Variants in RAB11FIP1 observed in about 807,000 individuals in gnomAD.
RAB11FIP1 encodes RAB11 family interacting protein 1, also known as rab11 family-interacting protein 1.
A neutral mutation model predicts 83.1 loss-of-function variants in RAB11FIP1; 49 were observed. The observed-to-expected ratio is 0.59, with a 90% CI of 0.47 to 0.75. RAB11FIP1 has a LOEUF of 0.75. Among genes scored for constraint, RAB11FIP1 ranks in the 30% least tolerant of loss-of-function variants. The pLI is 0.00. For synonymous variants in RAB11FIP1, 670 were observed against 656.0 expected, an observed-to-expected ratio of 1.02 and a Z score of -0.33; for missense variants, 1,536 against 1,598.7, an observed-to-expected ratio of 0.96 and a Z score of 0.67.
rs374030662 is a variant in RAB11FIP1, at chr8:37,870,544, A to C, written c.3525-16T>G. 2 of 1,410,688 alleles carry C rather than the reference A, an allele frequency of 1.4e-6. No individual in the cohort carries two copies. The highest frequency in any genetic ancestry group is 2.0e-6 in the Non-Finnish European group (2 of 998,296). 87.4% of individuals were successfully genotyped at this position (1,410,688 alleles called of 1,614,324 possible). A position where few individuals can be genotyped will look rare whatever the true frequency, so the allele number is the denominator to read the frequency against. ...AGGATGAAGTCTAAAGAGAAGGGGA[A>C]AAGGATCTTTAGACCCTCCGGTCAT... On this transcript the variant is annotated splice_polypyrimidine_tract_variant and intron_variant, in intron 4 of 5. Coordinates refer to ENST00000330843, the MANE Select transcript of RAB11FIP1 (RefSeq NM_001002814.3).
intron 1 of RAB11FIP1, among the ~76,000 whole-genome samples, chr8:37,881,608 T>G (rs1019516663): frequency 3.9e-5 from 6 of 152,248 alleles, no homozygotes; most frequent in African/African-American, 1.4e-4. Context: ...TTTTGGACCC[T>G]TAGGAGACAA....
chr8:37,872,776 G>T lies in RAB11FIP1; in HGVS notation c.2026C>A (p.Arg676Ser), dbSNP rs373214603. The T allele has an allele frequency of 6.2e-7, 1 of 1,614,212 alleles. No individual in the cohort carries two copies. The highest frequency in any genetic ancestry group is 8.5e-7 in the Non-Finnish European group (1 of 1,180,048). Residue 676 changes from arginine to serine, a missense_variant, in exon 4 of 6, where the codon CGT becomes AGT. Coordinates refer to ENST00000330843, the MANE Select transcript of RAB11FIP1 (RefSeq NM_001002814.3). Reference sequence around the variant, plus strand: ...GTGTTCTTCTCTGTGCCTGTCTCACGGGTCCTGCCCATCAGAGAATCTTCT... The same window carrying T: ...GTGTTCTTCTCTGTGCCTGTCTCACTGGTCCTGCCCATCAGAGAATCTTCT... ...GTEDSLMGRT[R>S]ETGTEKNTSS...
At chr8:37,881,286 C>T (rs1806729622) in intron 1 of RAB11FIP1, among the ~76,000 whole-genome samples, 1 of 152,126 alleles carries the variant, frequency 6.6e-6, no homozygotes, top group Admixed American at 6.5e-5. Context: ...AATCAGTTTC[C>T]CCTATTCTTT....
intron 5 of RAB11FIP1, among the ~76,000 whole-genome samples, chr8:37,866,443 C>G (rs996031046): frequency 9.9e-5 from 15 of 152,024 alleles, no homozygotes; most frequent in African/African-American, 3.6e-4. Context: ...AGAATGGTGC[C>G]CATTGTCATG....
intron 1 of RAB11FIP1, among the ~76,000 whole-genome samples, chr8:37,885,398 T>C (rs1300546976): frequency 2.0e-5 from 3 of 152,154 alleles, no homozygotes; most frequent in African/African-American, 4.8e-5. Flanking sequence ...CCTGATCCCA[T>C]GCCCCTCAGT....
chr8:37,899,190 G>T lies in RAB11FIP1; in HGVS notation c.252C>A (p.Ala84=). The T allele has an allele frequency of 6.4e-7, 1 of 1,564,430 alleles. No homozygotes were observed. Among genetic ancestry groups the T allele is most frequent in the Non-Finnish European group, 8.6e-7 (1 of 1,163,100 alleles). The change falls in exon 1 of 6, where the codon GCC becomes GCA. Residue 84 remains alanine (A), a synonymous_variant. Transcript: ENST00000330843. This position sits in a 1 kb window ranked among gnomAD's most constrained non-coding sequence, Gnocchi z 4.5. ...GCACGGTGAGCTGCAGGGTGGCGGC[G>T]GCCGCGGGTCCGGAGGACAGCAGCG... ...LPSLLSSGPA[A]AATLQLTVLH... is the part of the protein sequence containing the mutation.
intron 1 of RAB11FIP1, among the ~76,000 whole-genome samples, chr8:37,893,346 A>C (rs997174609): frequency 8.5e-5 from 13 of 152,094 alleles, no homozygotes; most frequent in African/African-American, 3.1e-4. Context: ...AAGTGCTGAG[A>C]TTACATGTTC....
intron 1 of RAB11FIP1, among the ~76,000 whole-genome samples, chr8:37,895,248 TATATATATATA>T (rs1380690287): frequency 1.0e-3 from 14 of 14,046 alleles, no homozygotes; most frequent in Non-Finnish European, 1.4e-3. Flanking sequence ...TATATATATA[TATATATATATA>T]TTTTTTTTTT....
chr8:37,891,846 ACAT>A (rs1806953414), intron 1 of RAB11FIP1, among the ~76,000 whole-genome samples: 1 of 152,202 alleles, frequency 6.6e-6, no homozygotes, highest in Non-Finnish European at 1.5e-5. Flanking sequence ...GTGTGACAGC[ACAT>A]CAATGAGATC....
rs904066272 is a variant in RAB11FIP1 at position 37,859,665 on chromosome 8, C to T, written c.*3230G>A. On this transcript the variant is annotated 3_prime_UTR_variant, in exon 6 of 6. Coordinates refer to ENST00000330843, the MANE Select transcript of RAB11FIP1 (RefSeq NM_001002814.3). ...ATTTCAAAAAGCTGACTTCCAACTGCAGTTTATGGGTATAGAATTTGATGC... is the reference window on the plus strand; with the variant it reads ...ATTTCAAAAAGCTGACTTCCAACTGTAGTTTATGGGTATAGAATTTGATGC... 13 of 152,294 alleles carry T rather than the reference C, an allele frequency of 8.5e-5. No homozygotes were observed. The highest frequency in any genetic ancestry group is 1.8e-4 in the Non-Finnish European group (12 of 68,088). The allele number at this position is 152,294 out of a possible 1,614,324, so 9.4% of individuals were successfully genotyped here. A position where few individuals can be genotyped will look rare whatever the true frequency, so the allele number is the denominator to read the frequency against.
chr8:37,896,958 G>C (rs575987048), intron 1 of RAB11FIP1, among the ~76,000 whole-genome samples: 1 of 152,268 alleles, frequency 6.6e-6, no homozygotes, highest in South Asian at 2.1e-4. Context: ...GGCAGAGAAG[G>C]AAGTGAATAC....
In RAB11FIP1 at chr8:37,899,107, C is replaced by A; in HGVS notation, c.335G>T (p.Arg112Leu). The A allele has an allele frequency of 6.5e-7, 1 of 1,529,958 alleles. No homozygotes were observed. Among genetic ancestry groups the A allele is most frequent in the East Asian group, 2.5e-5 (1 of 39,224 alleles). The allele number at this position is 1,529,958 out of a possible 1,614,324, so 94.8% of individuals were successfully genotyped here. A position where few individuals can be genotyped will look rare whatever the true frequency, so the allele number is the denominator to read the frequency against. The change falls in exon 1 of 6, where the codon CGG becomes CTG. Residue 112 changes from arginine (R) to leucine (L), a missense_variant. By Grantham distance (102) the Arg-to-Leu change is moderately radical (BLOSUM62 -2). Coordinates refer to ENST00000330843, the MANE Select transcript of RAB11FIP1 (RefSeq NM_001002814.3). This position sits in a 1 kb window ranked among gnomAD's most constrained non-coding sequence, Gnocchi z 4.5. ...GCGGCCCTGGTCGCGGTGCAGATCC[C>A]GCAGGTCCACCTCGGCGCGGCCCAG... ...KFLGRAEVDL[R>L]DLHRDQGRRK...
At position 37,877,132 on chromosome 8, in the gene RAB11FIP1, T is replaced by A. The variant is rs112261098; in HGVS notation, c.791A>T (p.Asp264Val). 1.2e-5 allele frequency: 19 copies of A among 1,613,544 alleles called. No homozygotes were observed. The African/African-American group carries it at 1.7e-4, about 15-fold the overall frequency. ...QSQWDEDDNE[D>V]ESSSASDVMS... ...ACCATCCGAGGCCGAGGAGGACTCA[T>A]CCTCATTGTCATCTTCATCCCACTG... The change falls in exon 2 of 6, where the codon GAT becomes GTT. Residue 264 changes from aspartate (D) to valine (V), a missense_variant. Coordinates refer to ENST00000330843, the MANE Select transcript of RAB11FIP1 (RefSeq NM_001002814.3).
At chr8:37,873,891 G>A (rs773894396) in intron 3 of RAB11FIP1, among the ~76,000 whole-genome samples, 11 of 151,744 alleles carry the variant, frequency 7.2e-5, no homozygotes, top group Non-Finnish European at 1.2e-4. Flanking sequence ...GTGTGTGTGT[G>A]CATGTCAAAG....
intron 1 of RAB11FIP1, among the ~76,000 whole-genome samples, chr8:37,893,864 T>C (rs1230336683): frequency 3.3e-5 from 5 of 152,038 alleles, no homozygotes; most frequent in Non-Finnish European, 7.4e-5. Context: ...TAACTGAATG[T>C]CTTACAAATG....
intron 1 of RAB11FIP1, among the ~76,000 whole-genome samples, chr8:37,896,167 G>A (rs569748298): frequency 2.0e-5 from 3 of 152,004 alleles, no homozygotes; most frequent in East Asian, 1.9e-4. Flanking sequence ...AAAATTAGCC[G>A]GACATGGTGG....
At chr8:37,875,732 C>A (rs1479876244) in intron 2 of RAB11FIP1, among the ~76,000 whole-genome samples, 1 of 151,780 alleles carries the variant, frequency 6.6e-6, no homozygotes, top group East Asian at 1.9e-4. Flanking sequence ...GGGTTGAGCA[C>A]ATCACAGGAA....
chr8:37,888,431 T>C (rs1005010928), intron 1 of RAB11FIP1, among the ~76,000 whole-genome samples: 2 of 151,950 alleles, frequency 1.3e-5, no homozygotes, highest in African/African-American at 4.8e-5. Context: ...AAAAGATATA[T>C]AAAATTTTTA....
At chr8:37,876,214 AAAGGAAGG>A (rs71216633) in intron 2 of RAB11FIP1, among the ~76,000 whole-genome samples, 11,418 of 128,298 alleles carry the variant, frequency 0.089, 592 homozygotes, top group Middle Eastern at 0.11. Context: ...GAAAAGAAAG[AAAGGAAGG>A]AAGGAAGGAA....
Sources: allele counts gnomAD v4.1 joint callset (sites outside exome capture counted in the v4.1 genomes callset), GRCh38; gene constraint gnomAD v4.1.1; non-coding constraint Gnocchi (gnomAD v3.1); transcripts MANE v1.5; gene names NCBI Gene and HGNC (gene_info 2026-07-23, HGNC 2026-07-21).